PREP: variants seen among roughly 807,000 people sequenced by gnomAD.
PREP encodes the protein dJ355L5.1 (prolyl endopeptidase).
PREP carries 29 observed loss-of-function variants against 87.6 expected under a neutral mutation model. The ratio of observed to expected loss-of-function variants is 0.33; its 90% CI spans 0.25 to 0.45. PREP has a LOEUF of 0.45. Ranked by LOEUF, PREP falls within the 20% of genes least tolerant of loss-of-function variation. The pLI, the probability that PREP is intolerant of heterozygous loss-of-function variation, is 1.00. For missense variants in PREP, 695 were observed against 886.5 expected, an observed-to-expected ratio of 0.78 and a Z score of 2.74; for synonymous variants, 337 against 328.6, an observed-to-expected ratio of 1.03 and a Z score of -0.28.
intron 8 of PREP, 143 bp downstream of exon 8, chr6:105,333,171 C>A: frequency 1.4e-6 from 1 of 722,812 alleles, no homozygotes; most frequent in Admixed American, 2.8e-5. Context: ...CTTGGATGAA[C>A]TATTTAGACA....
chr6:105,322,199 C>T, intron 10 of PREP: 3 of 737,358 alleles, frequency 4.1e-6, no homozygotes, highest in Non-Finnish European at 4.9e-6. Flanking sequence ...CAGGCCCCTA[C>T]AGGATCTCCC....
intron 10 of PREP, chr6:105,302,549 G>A (rs1770560144): frequency 2.5e-6 from 1 of 396,906 alleles, no homozygotes; most frequent in Non-Finnish European, 4.9e-6. Context: ...TGGGCCAGTG[G>A]CGCAGGCGCA....
intron 1 of PREP, among the ~76,000 whole-genome samples, chr6:105,401,894 A>C (rs767672426): frequency 1.3e-5 from 2 of 152,240 alleles, no homozygotes; most frequent in Non-Finnish European, 2.9e-5. Context: ...AAACTGTATC[A>C]CACAAATACA....
intron 8 of PREP, among the ~76,000 whole-genome samples, chr6:105,332,544 C>A (rs1301512421): frequency 6.6e-6 from 1 of 152,078 alleles, no homozygotes; most frequent in Non-Finnish European, 1.5e-5. Context: ...TCTAAATGGT[C>A]CTATTTTATC....
At chr6:105,335,296 A>G (rs1583063165) in intron 7 of PREP, among the ~76,000 whole-genome samples, 1 of 152,160 alleles carries the variant, frequency 6.6e-6, no homozygotes, top group Non-Finnish European at 1.5e-5. Context: ...CTATTCTCCA[A>G]TTATCTACTT....
At chr6:105,312,988 A>G (rs79761672) in intron 10 of PREP, among the ~76,000 whole-genome samples, 1,556 of 152,254 alleles carry the variant, frequency 0.01, 8 homozygotes, top group Non-Finnish European at 0.014. Flanking sequence ...GTACCCTCAC[A>G]ATGCCTTCCA....
At chr6:105,396,765 T>C (rs1323010399) in intron 2 of PREP, among the ~76,000 whole-genome samples, 2 of 151,738 alleles carry the variant, frequency 1.3e-5, no homozygotes, top group Admixed American at 1.3e-4. Context: ...GCTGAACATA[T>C]CAGAAACTGC....
At position 105,277,364 on chromosome 6, in the gene PREP, A is replaced by ATACTT. The variant is rs1380938269; in HGVS notation, c.*775_*779dup. ...ATCCAAGGAACTCTGATTTCTAGGAATACTTTGTAAACAAATCAATATACA... is the reference window on the plus strand; with the variant it reads ...ATCCAAGGAACTCTGATTTCTAGGAATACTTTACTTTGTAAACAAATCAATATACA... On this transcript the variant is annotated 3_prime_UTR_variant, in exon 15 of 15. Coordinates refer to ENST00000652536, the MANE Select transcript of PREP (RefSeq NM_002726.5). 1.3e-5 allele frequency among the ~76,000 whole-genome samples: 2 copies of ATACTT among 152,172 alleles called. No homozygotes were observed. The highest frequency in any genetic ancestry group is 2.1e-4 in the South Asian group (1 of 4,826).
chr6:105,352,860 CATG>C, intron 7 of PREP, 109 bp downstream of exon 7: 1 of 912,004 alleles, frequency 1.1e-6, no homozygotes, highest in Non-Finnish European at 1.7e-6. Context: ...GATGAACTGA[CATG>C]ATGTGGTAGA....
chr6:105,372,019 G>A (rs776591140), intron 5 of PREP, among the ~76,000 whole-genome samples: 3 of 152,068 alleles, frequency 2.0e-5, no homozygotes, highest in South Asian at 2.1e-4. Flanking sequence ...AGCTAATTTC[G>A]TTTCCAGAGC....
chr6:105,361,565 C>T (rs372355878), intron 6 of PREP, among the ~76,000 whole-genome samples: 1 of 151,820 alleles, frequency 6.6e-6, no homozygotes, highest in African/African-American at 2.4e-5. Flanking sequence ...ATTAGTTGCA[C>T]GTAAAAAAAG....
intron 7 of PREP, among the ~76,000 whole-genome samples, 160 bp from the exon 8 acceptor site, chr6:105,333,665 T>C (rs921063892): frequency 4.0e-5 from 6 of 151,794 alleles, no homozygotes; most frequent in Non-Finnish European, 8.8e-5. Flanking sequence ...CAGTTGTGAG[T>C]AAATTGAAAA....
Position 105,370,505 on chromosome 6 carries a change from T to G in PREP, c.596-1481A>C, listed in dbSNP as rs562170244. Reference sequence around the variant, plus strand: ...AAAACTGAACAGACTCTTAACCACATGATCCCACAGTCATGCTCCTTTACC... The same window carrying G: ...AAAACTGAACAGACTCTTAACCACAGGATCCCACAGTCATGCTCCTTTACC... On this transcript the variant is annotated intron_variant, in intron 5 of 14. Transcript: ENST00000652536. Among the ~76,000 whole-genome samples the G allele has an allele frequency of 5.1e-4, 77 of 152,176 alleles. 1 individual carries two copies. The highest frequency in any genetic ancestry group is 1.8e-3 in the African/African-American group (76 of 41,518).
At chr6:105,375,038 G>A (rs1178092321) in intron 4 of PREP, among the ~76,000 whole-genome samples, 2 of 152,074 alleles carry the variant, frequency 1.3e-5, no homozygotes, top group Admixed American at 1.3e-4. Flanking sequence ...CAGAACCAGT[G>A]TATTAAATTC....
At chr6:105,294,038 T>C (rs1170245474) in intron 10 of PREP, among the ~76,000 whole-genome samples, 1 of 152,196 alleles carries the variant, frequency 6.6e-6, no homozygotes, top group Non-Finnish European at 1.5e-5. Context: ...CTCATTGTCC[T>C]GAATTTGCTG....
chr6:105,309,977 C>T (rs1770728579), intron 10 of PREP, among the ~76,000 whole-genome samples: 1 of 152,162 alleles, frequency 6.6e-6, no homozygotes, highest in African/African-American at 2.4e-5. Flanking sequence ...CTACCTTCTC[C>T]CGGGTCCTGA....
rs1769936839 is a variant in PREP, at chr6:105,276,629, A to G, written c.*1515T>C. 6.6e-6 allele frequency among the ~76,000 whole-genome samples: 1 copy of G among 152,246 alleles called. No homozygotes were observed. The highest frequency in any genetic ancestry group is 1.9e-4 in the East Asian group (1 of 5,202). The stretch of plus-strand genomic sequence containing the variant: ...AGCATGCAACACTAGCTACTGGCAC[A>G]CTTTGTTTCCAGAGGAGTTATGGTG... On this transcript the variant is annotated 3_prime_UTR_variant, in exon 15 of 15. Coordinates refer to ENST00000652536, the MANE Select transcript of PREP (RefSeq NM_002726.5).
chr6:105,306,202 C>T (rs1770650997), intron 10 of PREP, among the ~76,000 whole-genome samples: 1 of 152,094 alleles, frequency 6.6e-6, no homozygotes, highest in African/African-American at 2.4e-5. Context: ...AGATGACTAA[C>T]TGAATCATGT....
chr6:105,325,638 C>T (rs192034630), intron 9 of PREP, among the ~76,000 whole-genome samples: 29 of 152,248 alleles, frequency 1.9e-4, no homozygotes, highest in Non-Finnish European at 3.7e-4. Flanking sequence ...TATATTTTAT[C>T]GATACTTTCT....
Sources: gnomAD v4.1 joint callset for allele counts (sites outside exome capture counted in the v4.1 genomes callset) on GRCh38, gnomAD v4.1.1 for gene constraint, MANE v1.5 for transcripts, NCBI Gene and HGNC (gene_info 2026-07-23, HGNC 2026-07-21) for gene names.